TNR: variants seen among roughly 807,000 people sequenced by gnomAD.
TNR encodes the protein tenascin-R.
In TNR, 45 loss-of-function variants were observed where a neutral mutation model predicts 150.4. That is an observed-to-expected ratio of 0.30 (90% CI 0.24 to 0.38). The LOEUF (loss-of-function observed/expected upper bound fraction) is 0.38. Among genes scored for constraint, TNR ranks in the 10% least tolerant of loss-of-function variants. TNR has a pLI of 1.00. For synonymous variants in TNR, 687 were observed against 678.4 expected (o/e 1.01, Z -0.20); for missense variants, 1,544 against 1,759.1 (o/e 0.88, Z 2.19).
chr1:175,330,039 A>G, intron 21 of TNR, 35 bp downstream of exon 21: 4 of 1,486,104 alleles, frequency 2.7e-6, no homozygotes, highest in Non-Finnish European at 3.6e-6. Context: ...TCCCATGCCC[A>G]CTGTCCTTGG....
chr1:175,691,680 C>T lies in TNR; in HGVS notation c.-165+51546G>A, dbSNP rs894674641. The stretch of plus-strand genomic sequence containing the variant: ...ATTAATCTCTTTGTCGGTTTCAATG[C>T]TCAGATCAGGGGAAACCTGTTAGCT... On this transcript the variant is annotated intron_variant, in intron 1 of 22. Coordinates refer to ENST00000367674, the MANE Select transcript of TNR (RefSeq NM_003285.3). Among the ~76,000 whole-genome samples the T allele has an allele frequency of 7.9e-5, 12 of 152,134 alleles. No homozygotes were observed. The East Asian group carries it at 1.7e-3, about 22-fold the overall frequency.
chr1:175,354,498 G>T lies in TNR; in HGVS notation c.3275C>A (p.Thr1092Asn), dbSNP rs562502844. The part of the protein sequence containing the change: ...RKELIVDAED[T>N]WIRLEGLLEN... ...CAACAGGCCCTCCAGTCGAATCCAG[G>T]TGTCTTCTGCATCCACAATCAGCTC... is the stretch of plus-strand genomic sequence containing the variant. Residue 1092 changes from threonine (T) to asparagine (N), a missense_variant, in exon 18 of 23, where the codon ACC (threonine) becomes AAC (asparagine). By Grantham distance (65) the Thr-to-Asn change is moderately conservative. Around this residue, in one of 2 missense-constraint regions of TNR, gnomAD observed 290 missense variants for 429.7 expected, o/e 0.67. Coordinates refer to ENST00000367674, the MANE Select transcript of TNR (RefSeq NM_003285.3). The T allele has an allele frequency of 3.7e-5, 60 of 1,614,118 alleles. No individual in the cohort carries two copies. In the African/African-American group the frequency reaches 6.3e-4, roughly 17 times the overall value.
intron 1 of TNR, among the ~76,000 whole-genome samples, chr1:175,641,453 T>C (rs976982049): frequency 1.2e-4 from 18 of 152,158 alleles, no homozygotes; most frequent in African/African-American, 4.3e-4. Flanking sequence ...TAAGTGTCCT[T>C]ATAGGGAGGA....
intron 2 of TNR, among the ~76,000 whole-genome samples, chr1:175,485,077 TC>T (rs1339166826): frequency 6.6e-6 from 1 of 152,216 alleles, no homozygotes; most frequent in African/African-American, 2.4e-5. Context: ...AAGACAAATG[TC>T]TTCACTGAAG....
At chr1:175,571,030 G>A (rs1278414079) in intron 1 of TNR, among the ~76,000 whole-genome samples, 1 of 152,104 alleles carries the variant, frequency 6.6e-6, no homozygotes, top group Admixed American at 6.6e-5. Context: ...TTAGAATTGT[G>A]GCACTCTCTG....
rs181306007 is a variant in TNR at position 175,315,488 on chromosome 1, C to G, written c.*7869G>C. Reference sequence around the variant, plus strand: ...TCTTTCTTTTAAGTAAGCGCTTTTTCAAGCTCATTGTAGCTACAAAGTCAA... The same window carrying G: ...TCTTTCTTTTAAGTAAGCGCTTTTTGAAGCTCATTGTAGCTACAAAGTCAA... On this transcript the variant is annotated 3_prime_UTR_variant, in exon 23 of 23. Transcript: ENST00000367674. 5.3e-5 allele frequency: 8 copies of G among 151,582 alleles called. No individual in the cohort carries two copies. Among genetic ancestry groups the G allele is most frequent in the Non-Finnish European group, 8.8e-5 (6 of 67,900 alleles). 9.4% of individuals were successfully genotyped at this position (151,582 alleles called of 1,614,324 possible).
intron 1 of TNR, among the ~76,000 whole-genome samples, chr1:175,601,898 G>C (rs1663252155): frequency 6.6e-6 from 1 of 152,104 alleles, no homozygotes; most frequent in Non-Finnish European, 1.5e-5. Flanking sequence ...AAACACACAT[G>C]AACAATTTAA....
rs567890093 is a variant in TNR at position 175,576,698 on chromosome 1, C to T, written c.-164-48329G>A. Among the ~76,000 whole-genome samples the T allele has an allele frequency of 6.6e-5, 10 of 152,310 alleles. No homozygotes were observed. In the South Asian group the frequency reaches 2.1e-3, roughly 32 times the overall value. On this transcript the variant is annotated intron_variant, in intron 1 of 22. Transcript: ENST00000367674. ...ATCCTTTGCTAAATGTTCACCCTTT[C>T]ACTTAGAATATCTGTATACATCCTA...
At chr1:175,540,349 G>C (rs1168118248) in intron 1 of TNR, among the ~76,000 whole-genome samples, 2 of 152,142 alleles carry the variant, frequency 1.3e-5, no homozygotes, top group African/African-American at 4.8e-5. Flanking sequence ...TCAAATCTTT[G>C]AATGGTGATG....
chr1:175,590,530 T>C (rs957204657), intron 1 of TNR, among the ~76,000 whole-genome samples: 3 of 152,222 alleles, frequency 2.0e-5, no homozygotes, highest in African/African-American at 7.2e-5. Flanking sequence ...CAAGGAGTTC[T>C]CAGCCTGGTG....
At chr1:175,537,726 A>G (rs1009184561) in intron 1 of TNR, among the ~76,000 whole-genome samples, 1 of 152,318 alleles carries the variant, frequency 6.6e-6, no homozygotes, top group Non-Finnish European at 1.5e-5. Context: ...CTGTATCCCC[A>G]TCAGTCAACC....
At chr1:175,641,767 T>C (rs1342461470) in intron 1 of TNR, among the ~76,000 whole-genome samples, 3 of 152,088 alleles carry the variant, frequency 2.0e-5, no homozygotes, top group Non-Finnish European at 4.4e-5. Flanking sequence ...TGAGGATCCT[T>C]TGTATTAAAC....
intron 2 of TNR, among the ~76,000 whole-genome samples, chr1:175,467,246 C>T (rs1027647691): frequency 2.0e-5 from 3 of 152,090 alleles, no homozygotes; most frequent in African/African-American, 7.2e-5. Context: ...CAGTGTGGAT[C>T]AAGGCAGCTT....
rs1359719820 is a variant in TNR, at chr1:175,323,431, A to C, written c.4003T>G (p.Phe1335Val). 1 of 1,614,038 alleles carries C rather than the reference A, an allele frequency of 6.2e-7. No homozygotes were observed. Among genetic ancestry groups the C allele is most frequent in the Non-Finnish European group, 8.5e-7 (1 of 1,179,956 alleles). The change falls in exon 23 of 23, where the codon TTT becomes GTT. Residue 1335 changes from phenylalanine to valine, a missense_variant. Coordinates refer to ENST00000367674, the MANE Select transcript of TNR (RefSeq NM_003285.3). ...HWKGHEFSIP[F>V]VEMKMRPYNH... ...TAGGGGCGCATCTTCATTTCCACAA[A>C]GGGGATGGAGAACTCATGGCCTTTC...
intron 1 of TNR, among the ~76,000 whole-genome samples, chr1:175,641,017 T>A (rs1571704221): frequency 6.6e-6 from 1 of 152,156 alleles, no homozygotes; most frequent in Non-Finnish European, 1.5e-5. Context: ...ATACATACTC[T>A]CACTTTAGTC....
chr1:175,365,747 C>T (rs1651809137), intron 11 of TNR, 128 bp downstream of exon 11: 6 of 1,383,356 alleles, frequency 4.3e-6, no homozygotes, highest in Middle Eastern at 2.7e-4. Context: ...TTTACTCTAT[C>T]CTTTTCTACC....
At position 175,599,881 on chromosome 1, in the gene TNR, C is replaced by T. The variant is rs1186510038; in HGVS notation, c.-164-71512G>A. Among the ~76,000 whole-genome samples the T allele has an allele frequency of 2.0e-5, 3 of 152,198 alleles. No individual in the cohort carries two copies. The highest frequency in any genetic ancestry group is 7.2e-5 in the African/African-American group (3 of 41,454). On this transcript the variant is annotated intron_variant, in intron 1 of 22. Coordinates refer to ENST00000367674, the MANE Select transcript of TNR (RefSeq NM_003285.3). The surrounding 1 kb of genome is among the most constrained non-coding windows in gnomAD (Gnocchi z 4.7). ...GCTGCAACTCGGGATGGAGGCAACC[C>T]CTCGGCGTGGGGATGCTGAGGCAGG...
intron 1 of TNR, among the ~76,000 whole-genome samples, chr1:175,719,350 C>T (rs1667239476): frequency 6.6e-6 from 1 of 152,154 alleles, no homozygotes; most frequent in Non-Finnish European, 1.5e-5. Flanking sequence ...CACTGCAGCA[C>T]CCCCATTGAA....
At chr1:175,377,654 C>T (rs1652471599) in intron 9 of TNR, among the ~76,000 whole-genome samples, 1 of 152,038 alleles carries the variant, frequency 6.6e-6, no homozygotes, top group Non-Finnish European at 1.5e-5. Context: ...ATTATATTTA[C>T]TTTAACTGGC....
Sources: gnomAD v4.1 joint callset for allele counts (sites outside exome capture counted in the v4.1 genomes callset) on GRCh38, gnomAD v4.1.1 for gene constraint, gnomAD v4.1.1 regional missense constraint, Gnocchi (gnomAD v3.1) non-coding constraint, MANE v1.5 for transcripts, NCBI Gene and HGNC (gene_info 2026-07-23, HGNC 2026-07-21) for gene names.